ACBD6: variants seen among roughly 807,000 people sequenced by gnomAD.
ACBD6 encodes acyl-CoA binding domain containing 6, also known as acyl-CoA-binding domain-containing protein 6.
In ACBD6, 28 loss-of-function variants were observed where a neutral mutation model predicts 37.2. That is an observed-to-expected ratio of 0.75 (90% CI 0.56 to 1.03). The LOEUF is 1.03. ACBD6 is among the 50% of genes least tolerant of loss of function. ACBD6 has a pLI of 0.00. For missense variants in ACBD6, 340 were observed against 337.4 expected (o/e 1.01, Z -0.06); for synonymous variants, 113 against 126.8 (o/e 0.89, Z 0.73).
intron 3 of ACBD6, among the ~76,000 whole-genome samples, chr1:180,489,365 G>T (rs1158054648): frequency 6.6e-6 from 1 of 150,774 alleles, no homozygotes; most frequent in Non-Finnish European, 1.5e-5. Flanking sequence ...GAGTCAAAGG[G>T]GACCAGCTCA....
chr1:180,448,759 T>C (rs1207398151), intron 3 of ACBD6, among the ~76,000 whole-genome samples: 5 of 152,202 alleles, frequency 3.3e-5, no homozygotes, highest in African/African-American at 4.8e-5. Flanking sequence ...AAGGTACTCA[T>C]AGGTACTCTA....
At chr1:180,493,149 G>A (rs962992131) in intron 2 of ACBD6, among the ~76,000 whole-genome samples, 34 of 150,140 alleles carry the variant, frequency 2.3e-4, no homozygotes, top group African/African-American at 8.3e-4. Flanking sequence ...TCTGGAGGCC[G>A]AGGCAGGAGA....
intron 1 of ACBD6, among the ~76,000 whole-genome samples, chr1:180,497,599 TA>T (rs1651788872): frequency 6.6e-6 from 1 of 152,220 alleles, no homozygotes; most frequent in Non-Finnish European, 1.5e-5. Flanking sequence ...AAATGTGTAT[TA>T]ATTCATTTAA....
intron 4 of ACBD6, among the ~76,000 whole-genome samples, chr1:180,426,504 G>A (rs997681933): frequency 6.6e-6 from 1 of 152,062 alleles, no homozygotes; most frequent in African/African-American, 2.4e-5. Context: ...ACAGCTGATC[G>A]CAAAACCAGA....
Position 180,300,505 on chromosome 1 carries a change from G to A in ACBD6, c.695-11988C>T, listed in dbSNP as rs185962865. Among the ~76,000 whole-genome samples the A allele has an allele frequency of 2.8e-3, 425 of 152,112 alleles. 1 individual carries two copies. The highest frequency in any genetic ancestry group is 4.4e-3 in the Non-Finnish European group (302 of 67,990). ...ATAACCCACTCCTATAAGTGATTAC[G>A]AATTAAACTTAAAATAGTAATTTTT... On this transcript the variant is annotated intron_variant, in intron 7 of 7. Coordinates refer to ENST00000367595, the MANE Select transcript of ACBD6 (RefSeq NM_032360.4).
intron 1 of ACBD6, among the ~76,000 whole-genome samples, chr1:180,500,070 T>C (rs1651894052): frequency 1.3e-5 from 2 of 151,012 alleles, no homozygotes; most frequent in African/African-American, 4.9e-5. Context: ...GCTATGAGTG[T>C]GTAACTGCCC....
intron 4 of ACBD6, among the ~76,000 whole-genome samples, chr1:180,418,306 G>C (rs544128621): frequency 3.3e-5 from 5 of 152,114 alleles, no homozygotes; most frequent in Non-Finnish European, 7.4e-5. Flanking sequence ...GGAAGTGTGT[G>C]GTGGCTCACA....
chr1:180,448,482 GC>G (rs770495013), intron 3 of ACBD6, among the ~76,000 whole-genome samples: 1 of 151,988 alleles, frequency 6.6e-6, no homozygotes, highest in Non-Finnish European at 1.5e-5. Flanking sequence ...CTTAGCTCTT[GC>G]CCCCTCTGGT....
chr1:180,403,248 A>G (rs1051314986), intron 5 of ACBD6, among the ~76,000 whole-genome samples: 2 of 152,208 alleles, frequency 1.3e-5, no homozygotes, highest in South Asian at 2.1e-4. Flanking sequence ...GCAATGTTCT[A>G]TATCTTGATA....
chr1:180,284,399 T>C (rs1307269950), downstream of ACBD6, among the ~76,000 whole-genome samples: 2 of 152,056 alleles, frequency 1.3e-5, no homozygotes, highest in East Asian at 1.9e-4. Flanking sequence ...AGTCTTGCTC[T>C]GTCATCCAGG....
chr1:180,361,909 C>T lies in ACBD6; in HGVS notation c.663+35607G>A, dbSNP rs1652868455. ...GTTTTATATTGTTGCTGTTGATTCC[C>T]CCCACCCCCATTCAATAAAATATTA... On this transcript the variant is annotated intron_variant, in intron 6 of 7. Transcript: ENST00000367595. Among the ~76,000 whole-genome samples the T allele has an allele frequency of 4.6e-5, 7 of 151,710 alleles. No homozygotes were observed. The South Asian group carries it at 1.0e-3, about 23-fold the overall frequency.
chr1:180,326,196 G>A (rs1249404980), intron 6 of ACBD6, among the ~76,000 whole-genome samples: 1 of 152,126 alleles, frequency 6.6e-6, no homozygotes, highest in African/African-American at 2.4e-5. Flanking sequence ...AAATCTACCT[G>A]GTGTTCTATT....
chr1:180,306,054 C>T (rs1054941232), intron 7 of ACBD6, among the ~76,000 whole-genome samples: 97 of 137,578 alleles, frequency 7.1e-4, no homozygotes, highest in African/African-American at 2.6e-3. Flanking sequence ...ACAATGAGAA[C>T]ACGTGGACAC....
At chr1:180,457,793 G>GTTTT (rs200745890) in intron 3 of ACBD6, among the ~76,000 whole-genome samples, 2 of 136,612 alleles carry the variant, frequency 1.5e-5, no homozygotes, top group Non-Finnish European at 3.2e-5. Context: ...AAAATTAACT[G>GTTTT]TTTTTTTTTT....
At chr1:180,419,090 A>G (rs1648238241) in intron 4 of ACBD6, among the ~76,000 whole-genome samples, 1 of 152,198 alleles carries the variant, frequency 6.6e-6, no homozygotes, top group South Asian at 2.1e-4. Context: ...TCTCTACTAA[A>G]AATACAAAAA....
intron 2 of ACBD6, 68 bp from the exon 3 acceptor site, chr1:180,492,433 T>C: frequency 1.7e-6 from 2 of 1,209,846 alleles, no homozygotes; most frequent in Admixed American, 1.7e-5. Context: ...TTTCTTATTA[T>C]TAAAAAAACT....
At chr1:180,434,765 C>T (rs563857806) in intron 3 of ACBD6, 1 of 631,988 alleles carries the variant, frequency 1.6e-6, no homozygotes, top group East Asian at 2.9e-5. Flanking sequence ...GCCATAGCCG[C>T]AACCGAGCCT....
At chr1:180,308,122 T>C (rs1463594577) in intron 7 of ACBD6, among the ~76,000 whole-genome samples, 3 of 152,346 alleles carry the variant, frequency 2.0e-5, no homozygotes, top group East Asian at 1.9e-4. Flanking sequence ...CTTTAACTTA[T>C]CCGCTGTAAA....
chr1:180,403,461 T>A (rs1281034362), intron 5 of ACBD6, among the ~76,000 whole-genome samples: 2 of 152,188 alleles, frequency 1.3e-5, no homozygotes, highest in African/African-American at 4.8e-5. Context: ...ATAAAAAAGA[T>A]TTGATGAATG....
Sources: gnomAD v4.1 joint callset for allele counts (sites outside exome capture counted in the v4.1 genomes callset) on GRCh38, gnomAD v4.1.1 for gene constraint, MANE v1.5 for transcripts, NCBI Gene and HGNC (gene_info 2026-07-23, HGNC 2026-07-21) for gene names.